The following SF3B1 variants were observed in gnomAD, a reference collection of about 807,000 sequenced individuals.
The protein encoded by SF3B1 is splicing factor 3b subunit 1.
SF3B1 carries 12 observed loss-of-function variants against 153.8 expected under a neutral mutation model. That is an observed-to-expected ratio of 0.08 (90% CI 0.05 to 0.13). The LOEUF (loss-of-function observed/expected upper bound fraction) is 0.13, where lower values mean the gene tolerates loss of function less well. Among genes scored for constraint, SF3B1 ranks in the 10% least tolerant of loss-of-function variants. The probability of loss-of-function intolerance (pLI) is 1.00; values close to 1 mark genes in which losing one functional copy is unlikely to be tolerated. For missense variants in SF3B1, 513 were observed against 1,606.1 expected (o/e 0.32, Z 11.63); for synonymous variants, 498 against 525.2 (o/e 0.95, Z 0.71).
At position 197,390,496 on chromosome 2, in the gene SF3B1, T is replaced by C. The variant is rs2105972091; in HGVS notation, c.*1807A>G. 6.6e-6 allele frequency: 1 copy of C among 152,344 alleles called. No individual in the cohort carries two copies. Among genetic ancestry groups the C allele is most frequent in the East Asian group, 1.9e-4 (1 of 5,190 alleles). The allele number at this position is 152,344 out of a possible 1,614,324, so 9.4% of individuals were successfully genotyped here. On this transcript the variant is annotated 3_prime_UTR_variant, in exon 25 of 25. Coordinates refer to ENST00000335508, the MANE Select transcript of SF3B1 (RefSeq NM_012433.4). ...CAACAGAAAGATGAGTTTGGAGTGT[T>C]TAATTTTACTACATAGTGACATATA...
In SF3B1 at chr2:197,400,546, T is replaced by A; in HGVS notation, c.2719-112A>T. On this transcript the variant is annotated intron_variant, in intron 18 of 24. Transcript: ENST00000335508. The surrounding 1 kb of genome is among the most constrained non-coding windows in gnomAD (Gnocchi z 5.0). ...ACCCAAACATCTGTTGCTGTTTTTT[T>A]ACATCAAATCTTAAAACTTGAGGTA... The A allele has an allele frequency of 2.7e-6, 3 of 1,096,976 alleles. No homozygotes were observed. The highest frequency in any genetic ancestry group is 3.9e-6 in the Non-Finnish European group (3 of 771,380). 68.0% of individuals were successfully genotyped at this position (1,096,976 alleles called of 1,614,324 possible). A position where few individuals can be genotyped will look rare whatever the true frequency, so the allele number is the denominator to read the frequency against.
chr2:197,403,335 C>T (rs1056905161), intron 12 of SF3B1, among the ~76,000 whole-genome samples: 7 of 152,230 alleles, frequency 4.6e-5, no homozygotes, highest in Non-Finnish European at 1.0e-4. Flanking sequence ...TACTAACTGG[C>T]GTTAGTTCTC....
rs1268627747 is a variant in SF3B1 at position 197,402,472 on chromosome 2, A to C, written c.2077+84T>G. The C allele has an allele frequency of 1.6e-6, 2 of 1,238,574 alleles. No individual in the cohort carries two copies. The highest frequency in any genetic ancestry group is 2.4e-5 in the East Asian group (1 of 40,818). 76.7% of individuals were successfully genotyped at this position (1,238,574 alleles called of 1,614,324 possible). A position where few individuals can be genotyped will look rare whatever the true frequency, so the allele number is the denominator to read the frequency against. ...GAGCAGGAGGATCACTTGAGCCCAAAGGTTTGAGTCCAGTCTGGGCAACAT... is the reference window on the plus strand; with the variant it reads ...GAGCAGGAGGATCACTTGAGCCCAACGGTTTGAGTCCAGTCTGGGCAACAT... On this transcript the variant is annotated intron_variant, in intron 14 of 24. Coordinates refer to ENST00000335508, the MANE Select transcript of SF3B1 (RefSeq NM_012433.4). The surrounding 1 kb of genome is among the most constrained non-coding windows in gnomAD (Gnocchi z 4.6).
intron 24 of SF3B1, among the ~76,000 whole-genome samples, 200 bp downstream of exon 24, chr2:197,392,772 A>G (rs1311130983): frequency 6.6e-6 from 1 of 152,104 alleles, no homozygotes; most frequent in Non-Finnish European, 1.5e-5. Context: ...AGTGGGGGGA[A>G]AGGGGAGGGA....
intron 6 of SF3B1, among the ~76,000 whole-genome samples, chr2:197,411,403 G>A (rs933956273): frequency 7.2e-5 from 11 of 152,106 alleles, no homozygotes; most frequent in African/African-American, 2.4e-4. Flanking sequence ...GCCGGGTGCG[G>A]TGGCTCACAC....
intron 1 of SF3B1, among the ~76,000 whole-genome samples, chr2:197,433,509 A>G (rs1441573984): frequency 3.9e-5 from 6 of 152,262 alleles, no homozygotes; most frequent in Non-Finnish European, 8.8e-5. Flanking sequence ...CTTACTTTGC[A>G]AAAGGTTATA....
intron 20 of SF3B1, 168 bp from the exon 21 acceptor site, chr2:197,398,749 T>A (rs921922425): frequency 9.9e-5 from 63 of 634,724 alleles, no homozygotes; most frequent in Non-Finnish European, 1.1e-5. Context: ...TTTTAACTTT[T>A]ATTAACAATT....
chr2:197,403,146 A>T, intron 12 of SF3B1, 111 bp from the exon 13 acceptor site: 2 of 805,406 alleles, frequency 2.5e-6, no homozygotes, highest in South Asian at 3.4e-5. Context: ...GACTTTTGTT[A>T]ATCAAGGGAC....
chr2:197,418,549 T>A lies in SF3B1; in HGVS notation c.455A>T (p.Tyr152Phe), dbSNP rs1559274216. Residue 152 changes from tyrosine to phenylalanine, a missense_variant, in exon 5 of 25, where the codon TAC (tyrosine) becomes TTC (phenylalanine). This residue lies in a region of SF3B1 where 45 missense variants were observed against 65.5 expected (regional missense o/e 0.69). Coordinates refer to ENST00000335508, the MANE Select transcript of SF3B1 (RefSeq NM_012433.4). Reference protein sequence around the residue: ...TPDPKMNARTYMDVMREQHLT... With the variant: ...TPDPKMNARTFMDVMREQHLT... Reference sequence around the variant, plus strand: ...GTGTTGTTCTCGCATTACATCCATGTAAGTCCTAGCATTCATTTTAGGATC... The same window carrying A: ...GTGTTGTTCTCGCATTACATCCATGAAAGTCCTAGCATTCATTTTAGGATC... The A allele has an allele frequency of 6.2e-7, 1 of 1,612,944 alleles. No homozygotes were observed. The highest frequency in any genetic ancestry group is 1.1e-5 in the South Asian group (1 of 90,970).
chr2:197,408,805 C>A, intron 7 of SF3B1: 1 of 515,302 alleles, frequency 1.9e-6, no homozygotes, highest in Non-Finnish European at 3.5e-6. Flanking sequence ...CGCTTGTAAT[C>A]CCAGCTACTC....
rs758150851 is a variant in SF3B1 at position 197,403,053 on chromosome 2, G to A, written c.1720-18C>T. The A allele has an allele frequency of 1.6e-5, 25 of 1,554,706 alleles. No individual in the cohort carries two copies. The highest frequency in any genetic ancestry group is 2.1e-5 in the Non-Finnish European group (24 of 1,128,586). ...ACGAGGATCTGAAAAAGAGAAAAGA[G>A]AAGAAGCTACACTTTCACATCAATT... On this transcript the variant is annotated intron_variant, in intron 12 of 24. Coordinates refer to ENST00000335508, the MANE Select transcript of SF3B1 (RefSeq NM_012433.4).
At chr2:197,407,510 C>A (rs775279089) in intron 9 of SF3B1, among the ~76,000 whole-genome samples, 3 of 151,094 alleles carry the variant, frequency 2.0e-5, no homozygotes, top group Non-Finnish European at 2.9e-5. Flanking sequence ...GAAACTCAGG[C>A]AAGAGAATCG....
rs147505731 is a variant in SF3B1, at chr2:197,393,128, A to G, written c.3600T>C (p.Tyr1200=). 1.2e-6 allele frequency: 2 copies of G among 1,614,138 alleles called. No homozygotes were observed. Among genetic ancestry groups the G allele is most frequent in the Non-Finnish European group, 1.7e-6 (2 of 1,179,988 alleles). Residue 1200 remains tyrosine, a synonymous_variant, in exon 24 of 25, where the codon TAT becomes TAC. Coordinates refer to ENST00000335508, the MANE Select transcript of SF3B1 (RefSeq NM_012433.4). ...TCAGCGAATCTTCACAACCAAATCCATAAACCCCAAGTGACATGTGCTGTA... is the reference window on the plus strand; with the variant it reads ...TCAGCGAATCTTCACAACCAAATCCGTAAACCCCAAGTGACATGTGCTGTA... ...AVVQHMSLGV[Y]GFGCEDSLNH...
chr2:197,409,399 T>G (rs973038140), intron 7 of SF3B1, among the ~76,000 whole-genome samples: 9 of 148,502 alleles, frequency 6.1e-5, no homozygotes, highest in African/African-American at 2.2e-4. Context: ...AAACTCCATC[T>G]CAAAAAAAAA....
At chr2:197,420,110 T>C (rs1052429803) in intron 4 of SF3B1, 5 of 297,256 alleles carry the variant, frequency 1.7e-5, no homozygotes, top group African/African-American at 8.6e-5. Context: ...TTTGAAAGTA[T>C]TTTGAGCAGA....
At chr2:197,409,708 T>C in intron 7 of SF3B1, 62 bp downstream of exon 7, 1 of 1,277,752 alleles carries the variant, frequency 7.8e-7, no homozygotes, top group Non-Finnish European at 1.1e-6. Flanking sequence ...ACAGAACACA[T>C]TTCAGTCTGT....
chr2:197,395,169 T>C (rs949829901), intron 23 of SF3B1, among the ~76,000 whole-genome samples: 1 of 152,208 alleles, frequency 6.6e-6, no homozygotes, highest in African/African-American at 2.4e-5. Flanking sequence ...GTGACATACA[T>C]TAATGACTGC....
At chr2:197,419,410 C>A in intron 4 of SF3B1, 1 of 225,970 alleles carries the variant, frequency 4.4e-6, no homozygotes, top group Admixed American at 5.6e-5. Context: ...GCACACTATG[C>A]TTTAGAAATG....
chr2:197,411,364 T>C (rs2085064981), intron 6 of SF3B1, among the ~76,000 whole-genome samples: 1 of 152,188 alleles, frequency 6.6e-6, no homozygotes, highest in African/African-American at 2.4e-5. Context: ...ATGTACTTTA[T>C]ATATTTGTTT....
Sources: gnomAD v4.1 joint callset for allele counts (sites outside exome capture counted in the v4.1 genomes callset) on GRCh38, gnomAD v4.1.1 for gene constraint, gnomAD v4.1.1 regional missense constraint, Gnocchi (gnomAD v3.1) non-coding constraint, MANE v1.5 for transcripts, NCBI Gene and HGNC (gene_info 2026-07-23, HGNC 2026-07-21) for gene names.